RYR3: variants seen among roughly 807,000 people sequenced by gnomAD.
RYR3 encodes the protein brain ryanodine receptor-calcium release channel.
RYR3 carries 207 observed loss-of-function variants against 584.3 expected under a neutral mutation model. That is an observed-to-expected ratio of 0.35 (90% CI 0.32 to 0.40). The LOEUF is 0.40. Ranked by LOEUF, RYR3 falls within the 10% of genes least tolerant of loss-of-function variation. The pLI is 1.00. For missense variants in RYR3, 5,616 were observed against 6,089.2 expected, an observed-to-expected ratio of 0.92 and a Z score of 2.59; for synonymous variants, 2,416 against 2,248.5, an observed-to-expected ratio of 1.07 and a Z score of -2.11.
intron 1 of RYR3, among the ~76,000 whole-genome samples, chr15:33,375,440 A>G (rs1338726247): frequency 6.6e-6 from 1 of 152,184 alleles, no homozygotes; most frequent in African/African-American, 2.4e-5. Context: ...ACTTCCTTCA[A>G]AGATCTTTAA....
chr15:33,659,594 A>G lies in RYR3; in HGVS notation c.4309-126A>G, dbSNP rs894305191. The G allele has an allele frequency of 3.0e-5, 20 of 667,724 alleles. No homozygotes were observed. In the Admixed American group the frequency reaches 3.1e-4, roughly 10 times the overall value. 41.4% of individuals were successfully genotyped at this position (667,724 alleles called of 1,614,324 possible). A position where few individuals can be genotyped will look rare whatever the true frequency, so the allele number is the denominator to read the frequency against. ...AACTGGTCTCTGCGAATTTCTGAGC[A>G]GTGGAGAATGACCAGACAGCTAGCA... On this transcript the variant is annotated intron_variant, in intron 32 of 103. Coordinates refer to ENST00000634891, the MANE Select transcript of RYR3 (RefSeq NM_001036.6).
At chr15:33,601,709 T>A (rs1230253971) in intron 17 of RYR3, among the ~76,000 whole-genome samples, 157 bp downstream of exon 17, 1 of 152,198 alleles carries the variant, frequency 6.6e-6, no homozygotes, top group African/African-American at 2.4e-5. Flanking sequence ...GTGCATTTCC[T>A]ATGACTAGGG....
rs539162209 is a variant in RYR3 at position 33,842,783 on chromosome 15, G to T, written c.13210-705G>T. On this transcript the variant is annotated intron_variant, in intron 91 of 103. Transcript: ENST00000634891. ...TGGGAGTTGCCAGGGTCTTCTGCGAGCCTAGACCACTTACAGTTTCCTAAT... is the reference window on the plus strand; with the variant it reads ...TGGGAGTTGCCAGGGTCTTCTGCGATCCTAGACCACTTACAGTTTCCTAAT... 1.3e-4 allele frequency among the ~76,000 whole-genome samples: 20 copies of T among 152,324 alleles called. 1 individual carries two copies. Among genetic ancestry groups the T allele is most frequent in the Middle Eastern group, 3.4e-3 (1 of 294 alleles).
intron 2 of RYR3, among the ~76,000 whole-genome samples, chr15:33,479,885 G>T (rs1268082148): frequency 6.6e-6 from 1 of 152,080 alleles, no homozygotes; most frequent in Admixed American, 6.5e-5. Context: ...AATCAAACAG[G>T]AACTAGTAAA....
chr15:33,653,087 TTA>T (rs2062588636), intron 32 of RYR3, among the ~76,000 whole-genome samples: 1 of 152,258 alleles, frequency 6.6e-6, no homozygotes, highest in Non-Finnish European at 1.5e-5. Context: ...GCAATCATAG[TTA>T]TTGGTTGATC....
chr15:33,800,054 C>T (rs192058360), intron 67 of RYR3, among the ~76,000 whole-genome samples: 100 of 152,248 alleles, frequency 6.6e-4, no homozygotes, highest in Middle Eastern at 3.4e-3. Flanking sequence ...CTTAGAGAAA[C>T]GACTGAATTC....
intron 1 of RYR3, among the ~76,000 whole-genome samples, chr15:33,329,603 A>T (rs1970140167): frequency 6.6e-6 from 1 of 152,220 alleles, no homozygotes; most frequent in Non-Finnish European, 1.5e-5. Flanking sequence ...ACTGGAACAC[A>T]ATATGTACTG....
In RYR3 at chr15:33,659,791, A is replaced by G. The variant is rs201051485; in HGVS notation, c.4380A>G (p.Glu1460=). The change falls in exon 33 of 104, where the codon GAA becomes GAG. Residue 1460 remains glutamate, a synonymous_variant. Coordinates refer to ENST00000634891, the MANE Select transcript of RYR3 (RefSeq NM_001036.6). ...QPTSTSLFQF[E]LGKLKNAMPL... is the part of the protein sequence containing the mutation. Reference sequence around the variant, plus strand: ...CAAGTACTTCTTTGTTTCAGTTTGAACTTGGAAAGCTGAAGGTATTTATTT... The same window carrying G: ...CAAGTACTTCTTTGTTTCAGTTTGAGCTTGGAAAGCTGAAGGTATTTATTT... The G allele has an allele frequency of 2.0e-4, 327 of 1,610,146 alleles. 1 individual carries two copies. Among genetic ancestry groups the G allele is most frequent in the Admixed American group, 4.3e-4 (26 of 60,000 alleles).
At chr15:33,511,175 C>T (rs931119510) in intron 3 of RYR3, among the ~76,000 whole-genome samples, 5 of 151,564 alleles carry the variant, frequency 3.3e-5, no homozygotes, top group African/African-American at 4.8e-5. Flanking sequence ...CTGACTTAGG[C>T]GACAGCACAT....
At chr15:33,781,490 A>G (rs2074375988) in intron 65 of RYR3, among the ~76,000 whole-genome samples, 1 of 152,262 alleles carries the variant, frequency 6.6e-6, no homozygotes, top group South Asian at 2.1e-4. Context: ...GATTTAAGGA[A>G]GAAGCATTCT....
At chr15:33,584,234 G>T (rs59372320) in intron 14 of RYR3, among the ~76,000 whole-genome samples, 161 bp from the exon 15 acceptor site, 1 of 150,740 alleles carries the variant, frequency 6.6e-6, no homozygotes, top group African/African-American at 2.4e-5. Flanking sequence ...CTTAAAAAAA[G>T]AAAAAAAAAG....
intron 75 of RYR3, among the ~76,000 whole-genome samples, chr15:33,817,548 A>G (rs1330654288): frequency 6.6e-6 from 1 of 152,088 alleles, no homozygotes; most frequent in African/African-American, 2.4e-5. Flanking sequence ...TCCTTCTCCC[A>G]CGAACCTTTT....
At chr15:33,658,764 A>T (rs1179729046) in intron 32 of RYR3, among the ~76,000 whole-genome samples, 1 of 152,240 alleles carries the variant, frequency 6.6e-6, no homozygotes, top group African/African-American at 2.4e-5. Flanking sequence ...CAAAGGGAGC[A>T]AGTAATACCT....
At chr15:33,601,936 A>G (rs983730830) in intron 17 of RYR3, among the ~76,000 whole-genome samples, 1 of 152,188 alleles carries the variant, frequency 6.6e-6, no homozygotes, top group Admixed American at 6.5e-5. Context: ...GGATGTCCCA[A>G]GTGAGACTGT....
At chr15:33,608,205 G>A (rs2060002623) in intron 18 of RYR3, among the ~76,000 whole-genome samples, 1 of 152,202 alleles carries the variant, frequency 6.6e-6, no homozygotes, top group South Asian at 2.1e-4. Context: ...TGAGCCTCTA[G>A]TAAAATCATA....
At chr15:33,862,061 A>AAACTT (rs1385685537) in intron 102 of RYR3, among the ~76,000 whole-genome samples, 2 of 152,120 alleles carry the variant, frequency 1.3e-5, no homozygotes, top group African/African-American at 4.8e-5. Context: ...ACTTCCTATA[A>AAACTT]AACTTAAAAC....
intron 2 of RYR3, among the ~76,000 whole-genome samples, chr15:33,500,929 A>T (rs1199527871): frequency 6.6e-6 from 1 of 152,142 alleles, no homozygotes; most frequent in Non-Finnish European, 1.5e-5. Flanking sequence ...TTCTCCAGAC[A>T]TTCCAGTTGC....
chr15:33,545,272 G>C (rs541766399), intron 8 of RYR3, among the ~76,000 whole-genome samples: 2 of 152,240 alleles, frequency 1.3e-5, no homozygotes, highest in South Asian at 4.1e-4. Flanking sequence ...CTGCTACTTA[G>C]GTTAGTCATT....
Position 33,652,899 on chromosome 15 carries a change from G to T in RYR3, c.4308+16G>T, listed in dbSNP as rs755828195. 6.3e-7 allele frequency: 1 copy of T among 1,599,802 alleles called. No homozygotes were observed. Among genetic ancestry groups the T allele is most frequent in the Non-Finnish European group, 8.5e-7 (1 of 1,172,772 alleles). Reference sequence around the variant, plus strand: ...CTGCTACCAGGTAAGGGCGGCTTCTGGGGCCGAAACAGGGCTATCCCAGGC... The same window carrying T: ...CTGCTACCAGGTAAGGGCGGCTTCTTGGGCCGAAACAGGGCTATCCCAGGC... On this transcript the variant is annotated intron_variant, in intron 32 of 103. Coordinates refer to ENST00000634891, the MANE Select transcript of RYR3 (RefSeq NM_001036.6).
Sources: gnomAD v4.1 joint callset for allele counts (sites outside exome capture counted in the v4.1 genomes callset) on GRCh38, gnomAD v4.1.1 for gene constraint, MANE v1.5 for transcripts, NCBI Gene and HGNC (gene_info 2026-07-23, HGNC 2026-07-21) for gene names.